GSN: variants seen among roughly 807,000 people sequenced by gnomAD.
GSN encodes actin-depolymerizing factor.
Under a neutral mutation model 85.7 loss-of-function variants are expected in GSN, and 56 were observed. The observed-to-expected ratio is 0.65, with a 90% CI of 0.53 to 0.82. The LOEUF (loss-of-function observed/expected upper bound fraction) is 0.82, where lower values mean the gene tolerates loss of function less well. Ranked by LOEUF, GSN falls within the 40% of genes least tolerant of loss-of-function variation. The probability of loss-of-function intolerance (pLI) is 0.00; values close to 1 mark genes in which losing one functional copy is unlikely to be tolerated. For synonymous variants in GSN, 373 were observed against 399.1 expected, an observed-to-expected ratio of 0.93 and a Z score of 0.78; for missense variants, 857 against 979.8, an observed-to-expected ratio of 0.87 and a Z score of 1.67.
intron 4 of GSN, among the ~76,000 whole-genome samples, chr9:121,307,424 C>G (rs1467483233): frequency 6.6e-6 from 1 of 152,134 alleles, no homozygotes; most frequent in Non-Finnish European, 1.5e-5. Context: ...AAAAGGTTTG[C>G]ACATCCACTC....
intron 5 of GSN, among the ~76,000 whole-genome samples, chr9:121,246,998 A>C (rs2054712390): frequency 6.6e-6 from 1 of 152,090 alleles, no homozygotes; most frequent in African/African-American, 2.4e-5. Flanking sequence ...GTAGGTGGGA[A>C]GTGGGAGGCA....
At chr9:121,330,138 T>C (rs2063726555) in intron 16 of GSN, among the ~76,000 whole-genome samples, 2 of 152,222 alleles carry the variant, frequency 1.3e-5, no homozygotes, top group Admixed American at 1.3e-4. Context: ...TTTGTTCATC[T>C]GTTAGGGATT....
chr9:121,331,871 T>C (rs2063948742), intron 17 of GSN: 2 of 189,688 alleles, frequency 1.1e-5, no homozygotes, highest in Admixed American at 1.1e-4. Flanking sequence ...CCGGGCAACA[T>C]AGTGAAACCT....
At chr9:121,310,526 G>A (rs185513313) in intron 4 of GSN, 158 bp from the exon 5 acceptor site, 48 of 722,980 alleles carry the variant, frequency 6.6e-5, no homozygotes, top group East Asian at 4.3e-4. Flanking sequence ...ACAAGATAAT[G>A]GGTATGAAAG....
rs565546589 is a variant in GSN at position 121,309,620 on chromosome 9, A to T, written c.352-1064A>T. ...AAGGATGAGAAAGATTTGGATTAGTACCTCTCAAAGTGGCTTTTGCAAAAT... is the reference window on the plus strand; with the variant it reads ...AAGGATGAGAAAGATTTGGATTAGTTCCTCTCAAAGTGGCTTTTGCAAAAT... On this transcript the variant is annotated intron_variant, in intron 4 of 17. Coordinates refer to ENST00000432226, the MANE Select transcript of GSN (RefSeq NM_198252.3). 4 of 152,190 alleles carry T rather than the reference A, an allele frequency of 2.6e-5. No homozygotes were observed. The East Asian group carries it at 7.7e-4, about 29-fold the overall frequency. 9.4% of individuals were successfully genotyped at this position (152,190 alleles called of 1,614,324 possible). A position where few individuals can be genotyped will look rare whatever the true frequency, so the allele number is the denominator to read the frequency against.
chr9:121,270,837 T>A (rs2055835540), intron 1 of GSN, among the ~76,000 whole-genome samples: 1 of 152,112 alleles, frequency 6.6e-6, no homozygotes, highest in Non-Finnish European at 1.5e-5. Flanking sequence ...TATGGTACGT[T>A]GCTGAGACAC....
chr9:121,327,219 CT>C (rs773990900), intron 13 of GSN, 88 bp from the exon 14 acceptor site: 1 of 1,044,818 alleles, frequency 9.6e-7, no homozygotes, highest in East Asian at 2.4e-5. Flanking sequence ...CACCTGAGAG[CT>C]AGTCCTGCTG....
chr9:121,220,991 A>T (rs896703707), intron 4 of GSN, among the ~76,000 whole-genome samples: 1 of 152,194 alleles, frequency 6.6e-6, no homozygotes, highest in African/African-American at 2.4e-5. Context: ...AAAAATTGTG[A>T]GATCTGGGGC....
intron 2 of GSN, among the ~76,000 whole-genome samples, chr9:121,293,926 A>G (rs540855227): frequency 2.2e-4 from 33 of 151,860 alleles, no homozygotes; most frequent in African/African-American, 7.5e-4. Flanking sequence ...CGTTTTATAG[A>G]TGAGGAAACG....
At chr9:121,244,192 T>G (rs117359481) in intron 5 of GSN, among the ~76,000 whole-genome samples, 1 of 152,224 alleles carries the variant, frequency 6.6e-6, no homozygotes, top group Non-Finnish European at 1.5e-5. Flanking sequence ...CTTTTTATCA[T>G]TGGGTAGCAA....
intron 5 of GSN, among the ~76,000 whole-genome samples, chr9:121,242,951 C>A (rs2054633454): frequency 6.6e-6 from 1 of 152,180 alleles, no homozygotes; most frequent in South Asian, 2.1e-4. Flanking sequence ...ACCTACATCT[C>A]TGGCAGGAAC....
chr9:121,239,622 A>C, intron 5 of GSN: 1 of 285,994 alleles, frequency 3.5e-6, no homozygotes, highest in Non-Finnish European at 7.0e-6. Context: ...GGTCCGAATC[A>C]TGTCCTCTGG....
chr9:121,296,939 G>A (rs1187931566), intron 2 of GSN, among the ~76,000 whole-genome samples: 2 of 152,214 alleles, frequency 1.3e-5, no homozygotes, highest in Non-Finnish European at 2.9e-5. Context: ...CATTAACGTG[G>A]TCCCTGGGTT....
At chr9:121,219,884 C>CTT (rs773081215) in intron 4 of GSN, among the ~76,000 whole-genome samples, 3 of 144,816 alleles carry the variant, frequency 2.1e-5, no homozygotes, top group Non-Finnish European at 4.6e-5. Flanking sequence ...TTTTTCTTTT[C>CTT]TTTTTTTTTT....
intron 14 of GSN, among the ~76,000 whole-genome samples, 197 bp from the exon 15 acceptor site, chr9:121,328,694 G>T (rs1196844573): frequency 6.6e-6 from 1 of 152,210 alleles, no homozygotes; most frequent in Non-Finnish European, 1.5e-5. Context: ...TGCCAAGTCT[G>T]CCCTCTCTGG....
At chr9:121,267,421 G>C (rs1322465461), upstream of GSN, among the ~76,000 whole-genome samples, 1 of 152,210 alleles carries the variant, frequency 6.6e-6, no homozygotes, top group African/African-American at 2.4e-5. Flanking sequence ...CACGGTCCCT[G>C]TCATTGTGCT....
chr9:121,201,626 A>G, the GSN span: 2 of 152,346 alleles, frequency 1.3e-5, no homozygotes, highest in Non-Finnish European at 2.9e-5. Context: ...ACACTACGGA[A>G]GGCCCGGGTT....
At chr9:121,252,253 A>C (rs1016885669) in intron 6 of GSN, among the ~76,000 whole-genome samples, 1 of 152,188 alleles carries the variant, frequency 6.6e-6, no homozygotes, top group Non-Finnish European at 1.5e-5. Context: ...TGGAGTAGGT[A>C]GAAAAAGGGC....
intron 4 of GSN, among the ~76,000 whole-genome samples, chr9:121,227,265 G>C (rs112480534): frequency 6.6e-6 from 1 of 152,018 alleles, no homozygotes; most frequent in Non-Finnish European, 1.5e-5. Context: ...GTGGTGGTGC[G>C]TGCCTGTAAT....
Sources: gnomAD v4.1 joint callset for allele counts (sites outside exome capture counted in the v4.1 genomes callset) on GRCh38, gnomAD v4.1.1 for gene constraint, MANE v1.5 for transcripts, NCBI Gene and HGNC (gene_info 2026-07-23, HGNC 2026-07-21) for gene names.